NFILZ: variants seen among roughly 807,000 people sequenced by gnomAD.
NFILZ encodes NFIL3 like basic leucine zipper, also known as NFIL3 like protein.
chr19:8,645,321 A>G (rs1263073063), intron 3 of NFILZ, among the ~76,000 whole-genome samples: 7 of 139,674 alleles, frequency 5.0e-5, no homozygotes, highest in African/African-American at 1.9e-4. Flanking sequence ...TTTTTTTTTA[A>G]GATATGGGGG....
intron 3 of NFILZ, among the ~76,000 whole-genome samples, chr19:8,658,865 G>C (rs552211467): frequency 2.0e-5 from 3 of 152,030 alleles, no homozygotes; most frequent in Admixed American, 6.6e-5. Flanking sequence ...TGGGAGGATC[G>C]TTTGAGCCCA....
At chr19:8,663,831 T>A (rs113725242) in intron 3 of NFILZ, among the ~76,000 whole-genome samples, 7,007 of 148,342 alleles carry the variant, frequency 0.047, 198 homozygotes, top group Admixed American at 0.096. Flanking sequence ...AGCCACCTGC[T>A]CTGGGGGATG....
intron 3 of NFILZ, among the ~76,000 whole-genome samples, chr19:8,649,801 G>A (rs868908274): frequency 1.1e-4 from 17 of 151,764 alleles, no homozygotes; most frequent in South Asian, 6.3e-4. Context: ...AAGAATGTTA[G>A]TAATAAAATA....
intron 2 of NFILZ, among the ~76,000 whole-genome samples, chr19:8,633,318 G>T (rs73503636): frequency 1.3e-5 from 2 of 152,050 alleles, no homozygotes; most frequent in Admixed American, 1.3e-4. Flanking sequence ...CAACGCGCCC[G>T]GCCTCCTTTA....
chr19:8,674,528 A>G (rs1407277681), intron 3 of NFILZ, among the ~76,000 whole-genome samples, 23 bp from the exon 4 acceptor site: 1 of 132,254 alleles, frequency 7.6e-6, no homozygotes, highest in Non-Finnish European at 1.6e-5. Context: ...CACAAAACTA[A>G]ACTTTTTTTT....
At chr19:8,643,734 T>C (rs1555746844) in intron 3 of NFILZ, among the ~76,000 whole-genome samples, 2 of 152,132 alleles carry the variant, frequency 1.3e-5, no homozygotes, top group African/African-American at 4.8e-5. Flanking sequence ...AACAATACCA[T>C]GAATCTTCCT....
chr19:8,654,250 A>C (rs1430458673), intron 3 of NFILZ, among the ~76,000 whole-genome samples: 1 of 151,500 alleles, frequency 6.6e-6, no homozygotes, highest in Non-Finnish European at 1.5e-5. Context: ...ACAAACAAAA[A>C]CAAACAAACA....
At chr19:8,648,041 G>T (rs1389501844) in intron 3 of NFILZ, among the ~76,000 whole-genome samples, 1 of 151,826 alleles carries the variant, frequency 6.6e-6, no homozygotes, top group Non-Finnish European at 1.5e-5. Flanking sequence ...GGGCATGGTA[G>T]CGGGTGCCTG....
intron 3 of NFILZ, among the ~76,000 whole-genome samples, chr19:8,636,657 A>G (rs1247907561): frequency 1.3e-5 from 2 of 150,954 alleles, no homozygotes; most frequent in Non-Finnish European, 3.0e-5. Flanking sequence ...GGGTTTCACC[A>G]TGTTGGTGAG....
At chr19:8,657,097 A>AG (rs1343183212) in intron 3 of NFILZ, among the ~76,000 whole-genome samples, 2 of 136,902 alleles carry the variant, frequency 1.5e-5, no homozygotes, top group Non-Finnish European at 3.2e-5. Context: ...GGTTTTGTGG[A>AG]GGGGGGCGGT....
chr19:8,657,843 G>T lies in NFILZ; in HGVS notation c.-163-16708G>T, dbSNP rs559793080. On this transcript the variant is annotated intron_variant, in intron 3 of 5. Coordinates refer to ENST00000691075, the MANE Select transcript of NFILZ (RefSeq NM_001378600.1). Reference sequence around the variant, plus strand: ...CCACCTGTGATCAGCCCTGGGGGTGGGAATCACTGGCTCACATGGGCCAAA... The same window carrying T: ...CCACCTGTGATCAGCCCTGGGGGTGTGAATCACTGGCTCACATGGGCCAAA... Among the ~76,000 whole-genome samples, 6 of 152,208 alleles carry T rather than the reference G, an allele frequency of 3.9e-5. No individual in the cohort carries two copies. In the East Asian group the frequency reaches 1.2e-3, roughly 29 times the overall value.
chr19:8,636,177 C>T (rs375303322), intron 3 of NFILZ, among the ~76,000 whole-genome samples: 21 of 151,296 alleles, frequency 1.4e-4, no homozygotes, highest in Admixed American at 6.6e-5. Context: ...CGGCTGGGCG[C>T]GGTGGCTCAT....
chr19:8,656,301 T>C (rs2042994799), intron 3 of NFILZ, among the ~76,000 whole-genome samples: 1 of 83,374 alleles, frequency 1.2e-5, no homozygotes, highest in Non-Finnish European at 2.5e-5. Flanking sequence ...GCCCACCTCC[T>C]CCCGCAGCGC....
intron 3 of NFILZ, among the ~76,000 whole-genome samples, chr19:8,665,153 G>T (rs1423489464): frequency 1.3e-5 from 2 of 152,140 alleles, no homozygotes; most frequent in Non-Finnish European, 2.9e-5. Flanking sequence ...GAATCCCACT[G>T]GGTCCTGGGA....
chr19:8,658,648 G>T (rs2043015729), intron 3 of NFILZ, among the ~76,000 whole-genome samples: 1 of 129,348 alleles, frequency 7.7e-6, no homozygotes, highest in Non-Finnish European at 1.6e-5. Flanking sequence ...CAGAGTCTGG[G>T]GTGATGAGAG....
At chr19:8,634,436 C>T (rs1401812269) in intron 2 of NFILZ, among the ~76,000 whole-genome samples, 1 of 152,222 alleles carries the variant, frequency 6.6e-6, no homozygotes, top group African/African-American at 2.4e-5. Context: ...TCGGCGCATG[C>T]CGTGACACCC....
At chr19:8,641,054 T>A (rs992032272) in intron 3 of NFILZ, among the ~76,000 whole-genome samples, 1 of 152,316 alleles carries the variant, frequency 6.6e-6, no homozygotes, top group East Asian at 1.9e-4. Flanking sequence ...TTTGTAATTG[T>A]AGCATTTGGT....
intron 3 of NFILZ, among the ~76,000 whole-genome samples, chr19:8,642,982 C>T (rs1169323876): frequency 2.1e-5 from 3 of 141,822 alleles, no homozygotes; most frequent in African/African-American, 8.1e-5. Context: ...CAGGGTATCT[C>T]CCTGTCACCC....
At chr19:8,647,789 GCGCGCGCA>G (rs1477037456) in intron 3 of NFILZ, among the ~76,000 whole-genome samples, 9,825 of 107,192 alleles carry the variant, frequency 0.092, 436 homozygotes, top group Admixed American at 0.13. Flanking sequence ...GCGCGCGCGC[GCGCGCGCA>G]CACACACACA....
Sources: gnomAD v4.1 joint callset for allele counts (sites outside exome capture counted in the v4.1 genomes callset) on GRCh38, gnomAD v4.1.1 for gene constraint, MANE v1.5 for transcripts, NCBI Gene and HGNC (gene_info 2026-07-23, HGNC 2026-07-21) for gene names.